Variants in DSCAM observed in about 807,000 individuals in gnomAD.
DSCAM encodes the protein DS cell adhesion molecule.
In DSCAM, 47 loss-of-function variants were observed where a neutral mutation model predicts 217.7. That is an observed-to-expected ratio of 0.22 (90% CI 0.17 to 0.28). DSCAM has a LOEUF of 0.28. Among genes scored for constraint, DSCAM ranks in the 10% least tolerant of loss-of-function variants. The pLI, the probability that DSCAM is intolerant of heterozygous loss-of-function variation, is 1.00. For synonymous variants in DSCAM, 1,056 were observed against 1,015.3 expected (o/e 1.04, Z -0.76); for missense variants, 2,080 against 2,618.3 (o/e 0.79, Z 4.49).
At chr21:40,168,529 T>C (rs1007613244) in intron 15 of DSCAM, among the ~76,000 whole-genome samples, 1 of 152,006 alleles carries the variant, frequency 6.6e-6, no homozygotes, top group Non-Finnish European at 1.5e-5. Context: ...GATTAAAAAA[T>C]GTTTTTGGAT....
intron 3 of DSCAM, among the ~76,000 whole-genome samples, chr21:40,526,062 C>G (rs549560645): frequency 6.6e-6 from 1 of 152,226 alleles, no homozygotes; most frequent in African/African-American, 2.4e-5. Context: ...TGTCCGTTCC[C>G]CAATTTCCTA....
intron 3 of DSCAM, among the ~76,000 whole-genome samples, chr21:40,612,067 A>G (rs1340514585): frequency 6.6e-6 from 1 of 152,226 alleles, no homozygotes; most frequent in African/African-American, 2.4e-5. Context: ...CAGCAGGAAC[A>G]TACAGGCTGT....
rs2076232440 is a variant in DSCAM at position 40,508,760 on chromosome 21, TATATATATA to T, written c.509-139524_509-139516del. 5.9e-4 allele frequency among the ~76,000 whole-genome samples: 3 copies of T among 5,086 alleles called. 1 individual carries two copies. The highest frequency in any genetic ancestry group is 1.0e-3 in the Non-Finnish European group (3 of 2,864). The allele number at this position is 5,086 out of a possible 152,430, so 3.3% of individuals were successfully genotyped here. On this transcript the variant is annotated intron_variant, in intron 3 of 32. Transcript: ENST00000400454. ...ATATATATATATATATATATATATA[TATATATATA>T]TATATATATATATATTTTTTTTTTT... is the stretch of plus-strand genomic sequence containing the variant.
chr21:40,620,534 G>A (rs901653899), intron 3 of DSCAM, among the ~76,000 whole-genome samples: 1 of 151,526 alleles, frequency 6.6e-6, no homozygotes, highest in African/African-American at 2.4e-5. Flanking sequence ...CAGGCAGGCA[G>A]GCAGGCAATA....
intron 1 of DSCAM, among the ~76,000 whole-genome samples, chr21:40,813,397 G>A (rs563188848): frequency 6.6e-6 from 1 of 152,244 alleles, no homozygotes; most frequent in South Asian, 2.1e-4. Context: ...TCTGACATTA[G>A]ATTGTCTATT....
chr21:40,355,835 G>C (rs2074685972), intron 4 of DSCAM, among the ~76,000 whole-genome samples: 1 of 152,158 alleles, frequency 6.6e-6, no homozygotes, highest in Non-Finnish European at 1.5e-5. Context: ...TCTATTCCCT[G>C]CTTCTCTGAG....
chr21:40,381,639 A>G (rs1269295887), intron 3 of DSCAM, among the ~76,000 whole-genome samples: 1 of 152,208 alleles, frequency 6.6e-6, no homozygotes, highest in African/African-American at 2.4e-5. Context: ...TTAACTGTAA[A>G]GTTTGTCTAC....
intron 11 of DSCAM, among the ~76,000 whole-genome samples, chr21:40,225,247 A>G (rs1217364361): frequency 1.3e-5 from 2 of 152,078 alleles, no homozygotes; most frequent in Admixed American, 6.6e-5. Flanking sequence ...GCCTGCCTTC[A>G]TTTCTGTTTA....
In DSCAM at chr21:40,795,368, G is replaced by A. The variant is rs1310306199; in HGVS notation, c.43+51251C>T. On this transcript the variant is annotated intron_variant, in intron 1 of 32. Coordinates refer to ENST00000400454, the MANE Select transcript of DSCAM (RefSeq NM_001389.5). ...TACTACCCACAATTTTTTTTTTTTC[G>A]AAATCCAAGGTCATATTCCTGGACT... Among the ~76,000 whole-genome samples, 9 of 148,226 alleles carry A rather than the reference G, an allele frequency of 6.1e-5. No individual in the cohort carries two copies. In the South Asian group the frequency reaches 6.4e-4, roughly 11 times the overall value.
chr21:40,162,730 G>T (rs1025916792), intron 16 of DSCAM, among the ~76,000 whole-genome samples: 1 of 152,114 alleles, frequency 6.6e-6, no homozygotes, highest in Non-Finnish European at 1.5e-5. Flanking sequence ...AATTCTAAAT[G>T]AGAATTTTGC....
intron 10 of DSCAM, among the ~76,000 whole-genome samples, chr21:40,281,949 G>A (rs1278942681): frequency 4.6e-5 from 7 of 152,114 alleles, no homozygotes; most frequent in Non-Finnish European, 8.8e-5. Flanking sequence ...AGAAGAGGAT[G>A]TTGAATATTA....
At chr21:40,351,517 C>T (rs538710329) in intron 5 of DSCAM, among the ~76,000 whole-genome samples, 1 of 152,194 alleles carries the variant, frequency 6.6e-6, no homozygotes, top group South Asian at 2.1e-4. Flanking sequence ...GCAAGGAATT[C>T]GAAGCTCTAC....
intron 8 of DSCAM, among the ~76,000 whole-genome samples, chr21:40,320,987 T>C (rs2074253278): frequency 6.6e-6 from 1 of 152,210 alleles, no homozygotes; most frequent in South Asian, 2.1e-4. Context: ...ATAGATCCCA[T>C]GGCAAAAGTT....
At chr21:40,171,312 A>C (rs2090655115) in intron 15 of DSCAM, among the ~76,000 whole-genome samples, 1 of 152,064 alleles carries the variant, frequency 6.6e-6, no homozygotes, top group Non-Finnish European at 1.5e-5. Flanking sequence ...TCCTGGCCTC[A>C]AGTGATCCGC....
chr21:40,028,120 C>T (rs1428897911), intron 32 of DSCAM, among the ~76,000 whole-genome samples: 1 of 81,340 alleles, frequency 1.2e-5, no homozygotes, highest in Non-Finnish European at 2.4e-5. Flanking sequence ...GAGTACCCTG[C>T]CCTGTGAGGT....
At chr21:40,774,307 G>A (rs565336032) in intron 1 of DSCAM, among the ~76,000 whole-genome samples, 2 of 152,358 alleles carry the variant, frequency 1.3e-5, no homozygotes, top group African/African-American at 2.4e-5. Context: ...ATAGACAGAG[G>A]CTGGTGTGCT....
chr21:40,833,030 A>C (rs2837849), intron 1 of DSCAM, among the ~76,000 whole-genome samples: 2,571 of 152,306 alleles, frequency 0.017, 137 homozygotes, highest in East Asian at 0.096. Context: ...TTTTTAAGGA[A>C]ATATAAACCT....
intron 3 of DSCAM, among the ~76,000 whole-genome samples, chr21:40,656,041 GAC>G (rs1400016766): frequency 1.3e-5 from 2 of 152,116 alleles, no homozygotes; most frequent in Non-Finnish European, 2.9e-5. Context: ...GACAGAGTGA[GAC>G]ACTGTCTCAA....
At chr21:40,620,102 G>A (rs1215508797) in intron 3 of DSCAM, among the ~76,000 whole-genome samples, 2 of 85,066 alleles carry the variant, frequency 2.4e-5, no homozygotes, top group African/African-American at 5.1e-5. Context: ...GAGAAAGAGA[G>A]AGAAAAAAGA....
Sources: allele counts gnomAD v4.1 joint callset (sites outside exome capture counted in the v4.1 genomes callset), GRCh38; gene constraint gnomAD v4.1.1; transcripts MANE v1.5; gene names NCBI Gene and HGNC (gene_info 2026-07-23, HGNC 2026-07-21).